KIRREL3: variants seen among roughly 807,000 people sequenced by gnomAD.
The protein encoded by KIRREL3 is kirre like nephrin family adhesion molecule 3, also known as kin of IRRE-like protein 3.
KIRREL3 carries 36 observed loss-of-function variants against 89.7 expected under a neutral mutation model. The ratio of observed to expected loss-of-function variants is 0.40; its 90% CI spans 0.31 to 0.53. KIRREL3 has a LOEUF of 0.53. KIRREL3 is among the 20% of genes least tolerant of loss of function. The probability of loss-of-function intolerance (pLI) is 0.49; values close to 1 mark genes in which losing one functional copy is unlikely to be tolerated. For synonymous variants in KIRREL3, 445 were observed against 441.4 expected, an observed-to-expected ratio of 1.01 and a Z score of -0.10; for missense variants, 864 against 1,056.6, an observed-to-expected ratio of 0.82 and a Z score of 2.53.
rs889812368 is a variant in KIRREL3, at chr11:126,687,208, G to A, written c.56-124296C>T. On this transcript the variant is annotated intron_variant, in intron 1 of 16. Transcript: ENST00000525144. The surrounding 1 kb of genome is among the most constrained non-coding windows in gnomAD (Gnocchi z 4.6). ...TCAAACGTGCTGAGCCCTGCCTTGC[G>A]CCAGGCAGTGAGCTAGTCCTTATTT... 3.3e-5 allele frequency among the ~76,000 whole-genome samples: 5 copies of A among 152,276 alleles called. No individual in the cohort carries two copies. Among genetic ancestry groups the A allele is most frequent in the East Asian group, 1.9e-4 (1 of 5,186 alleles).
At position 126,622,850 on chromosome 11, in the gene KIRREL3, A is replaced by G. The variant is rs1382089258; in HGVS notation, c.56-59938T>C. ...TAGAGTTAACTACATGCACAATTTT[A>G]TTTGCTTTATCTATATTAATTCTTT... On this transcript the variant is annotated intron_variant, in intron 1 of 16. Coordinates refer to ENST00000525144, the MANE Select transcript of KIRREL3 (RefSeq NM_032531.4). The surrounding 1 kb of genome is among the most constrained non-coding windows in gnomAD (Gnocchi z 5.2). Among the ~76,000 whole-genome samples the G allele has an allele frequency of 1.3e-5, 2 of 152,118 alleles. No homozygotes were observed. The highest frequency in any genetic ancestry group is 4.8e-5 in the African/African-American group (2 of 41,412).
rs1329659674 is a variant in KIRREL3, at chr11:126,948,033, G to A, written c.55+52422C>T. ...TGCTTGGCTACCCCAAAACTCCAAC[G>A]CACCTCATTATTTCATAAGAGATGT... On this transcript the variant is annotated intron_variant, in intron 1 of 16. Transcript: ENST00000525144. The surrounding 1 kb of genome is among the most constrained non-coding windows in gnomAD (Gnocchi z 4.5). 3.9e-5 allele frequency among the ~76,000 whole-genome samples: 6 copies of A among 152,024 alleles called. No individual in the cohort carries two copies. Among genetic ancestry groups the A allele is most frequent in the East Asian group, 1.9e-4 (1 of 5,180 alleles).
At chr11:126,581,334 C>G (rs565523) in intron 1 of KIRREL3, among the ~76,000 whole-genome samples, 43,081 of 151,744 alleles carry the variant, frequency 0.28, 6,267 homozygotes, top group Admixed American at 0.36. Flanking sequence ...TCCTGAGTAG[C>G]TGGGGTTACA....
intron 10 of KIRREL3, 24 bp from the exon 11 acceptor site, chr11:126,440,573 A>AG (rs1239640733): frequency 1.3e-6 from 2 of 1,570,084 alleles, no homozygotes; most frequent in Non-Finnish European, 1.7e-6. Flanking sequence ...GCGTCCCATT[A>AG]GGCACCCGGG....
chr11:126,883,109 C>A lies in KIRREL3; in HGVS notation c.55+117346G>T, dbSNP rs1945568197. ...AAGTGACAGCAGGTAGGGTTTGTTA[C>A]TTTAATTCACTTTGCCTTTCTCTTC... On this transcript the variant is annotated intron_variant, in intron 1 of 16. Transcript: ENST00000525144. The surrounding 1 kb of genome is among the most constrained non-coding windows in gnomAD (Gnocchi z 4.1). 6.6e-6 allele frequency among the ~76,000 whole-genome samples: 1 copy of A among 152,194 alleles called. No individual in the cohort carries two copies. The highest frequency in any genetic ancestry group is 1.5e-5 in the Non-Finnish European group (1 of 68,034).
At chr11:126,921,012 A>G (rs550359613) in intron 1 of KIRREL3, among the ~76,000 whole-genome samples, 17 of 152,320 alleles carry the variant, frequency 1.1e-4, no homozygotes, top group Admixed American at 7.2e-4. Context: ...AGAGACTGGC[A>G]CTTGCATCTC....
chr11:126,553,044 G>A lies in KIRREL3; in HGVS notation c.133+9791C>T, dbSNP rs929739167. Reference sequence around the variant, plus strand: ...TGGGGACACTAGTACCACTCATGGTGTGTGTGAGCACACTCGTGAAGGCGT... The same window carrying A: ...TGGGGACACTAGTACCACTCATGGTATGTGTGAGCACACTCGTGAAGGCGT... On this transcript the variant is annotated intron_variant, in intron 2 of 16. Transcript: ENST00000525144. The surrounding 1 kb of genome is among the most constrained non-coding windows in gnomAD (Gnocchi z 4.7). Among the ~76,000 whole-genome samples the A allele has an allele frequency of 5.3e-5, 8 of 152,196 alleles. No individual in the cohort carries two copies. Among genetic ancestry groups the A allele is most frequent in the Admixed American group, 6.5e-5 (1 of 15,286 alleles).
intron 1 of KIRREL3, among the ~76,000 whole-genome samples, chr11:126,964,358 G>A (rs139697488): frequency 2.6e-5 from 4 of 152,150 alleles, no homozygotes; most frequent in African/African-American, 4.8e-5. Flanking sequence ...GTGGCATGTG[G>A]GCAACACCCC....
chr11:126,436,744 C>G, intron 12 of KIRREL3, 67 bp downstream of exon 12: 1 of 1,574,612 alleles, frequency 6.4e-7, no homozygotes. Flanking sequence ...CGCGCCCTGA[C>G]CTAGGTGAGG....
chr11:126,451,256 CATTGCTTGTGTGT>C, intron 7 of KIRREL3, among the ~76,000 whole-genome samples: 1 of 119,802 alleles, frequency 8.3e-6, no homozygotes, highest in South Asian at 3.0e-4. Flanking sequence ...AGCATGTGTG[CATTGCTTGTGTGT>C]CCGTGTGCAT....
rs1041515981 is a variant in KIRREL3 at position 126,568,958 on chromosome 11, T to A, written c.56-6046A>T. On this transcript the variant is annotated intron_variant, in intron 1 of 16. Transcript: ENST00000525144. The surrounding 1 kb of genome is among the most constrained non-coding windows in gnomAD (Gnocchi z 4.6). ...GCACGTAGCCAACAGTGACATGGAC[T>A]GGAAATGTGAGGCCAGTCAGGAAGA... Among the ~76,000 whole-genome samples, 7 of 151,962 alleles carry A rather than the reference T, an allele frequency of 4.6e-5. No homozygotes were observed. Among genetic ancestry groups the A allele is most frequent in the Admixed American group, 1.3e-4 (2 of 15,258 alleles).
chr11:126,693,032 CT>C (rs1015536605), intron 1 of KIRREL3, among the ~76,000 whole-genome samples: 1 of 152,226 alleles, frequency 6.6e-6, no homozygotes, highest in Non-Finnish European at 1.5e-5. Context: ...TGCTCACGCC[CT>C]TGGAAAACAG....
chr11:126,680,965 C>T (rs556434421), intron 1 of KIRREL3, among the ~76,000 whole-genome samples: 12 of 152,278 alleles, frequency 7.9e-5, no homozygotes, highest in African/African-American at 2.6e-4. Flanking sequence ...CTGTCTGTCA[C>T]AGCAAGATTT....
At chr11:126,457,265 A>T in intron 6 of KIRREL3, among the ~76,000 whole-genome samples, 1 of 141,876 alleles carries the variant, frequency 7.0e-6, no homozygotes, top group South Asian at 2.3e-4. Context: ...GTGTGTATGC[A>T]TGTGTGTGTA....
In KIRREL3 at chr11:126,553,208, C is replaced by T. The variant is rs1939425201; in HGVS notation, c.133+9627G>A. Reference sequence around the variant, plus strand: ...GGACATTATGGGCTTACAGTGTGTCCCTTGGTCTGAAGAAATGATGGTCAG... The same window carrying T: ...GGACATTATGGGCTTACAGTGTGTCTCTTGGTCTGAAGAAATGATGGTCAG... On this transcript the variant is annotated intron_variant, in intron 2 of 16. Transcript: ENST00000525144. This position sits in a 1 kb window ranked among gnomAD's most constrained non-coding sequence, Gnocchi z 4.7. 6.6e-6 allele frequency among the ~76,000 whole-genome samples: 1 copy of T among 152,154 alleles called. No individual in the cohort carries two copies. Among genetic ancestry groups the T allele is most frequent in the Non-Finnish European group, 1.5e-5 (1 of 68,040 alleles).
chr11:126,674,182 TGTTTTGGG>T (rs1946085217), intron 1 of KIRREL3, among the ~76,000 whole-genome samples: 1 of 152,206 alleles, frequency 6.6e-6, no homozygotes, highest in African/African-American at 2.4e-5. Context: ...TTCTCATGAA[TGTTTTGGG>T]AATTCTGTTG....
At chr11:126,717,865 A>G (rs996422304) in intron 1 of KIRREL3, among the ~76,000 whole-genome samples, 11 of 152,234 alleles carry the variant, frequency 7.2e-5, no homozygotes, top group Non-Finnish European at 1.3e-4. Flanking sequence ...GTGTTCAGAA[A>G]TTAGAAGGGA....
chr11:126,845,737 A>T (rs939920803), intron 1 of KIRREL3, among the ~76,000 whole-genome samples: 1 of 152,130 alleles, frequency 6.6e-6, no homozygotes, highest in African/African-American at 2.4e-5. Context: ...CTTCCCTTCT[A>T]TGAATTACCT....
In KIRREL3 at chr11:126,594,994, C is replaced by T. The variant is rs955091782; in HGVS notation, c.56-32082G>A. ...CTCAGGGGCCTTCTGGGTTGTGAGG[C>T]GTGGGGCACCCCGTCCTGAGCGTGC... On this transcript the variant is annotated intron_variant, in intron 1 of 16. Coordinates refer to ENST00000525144, the MANE Select transcript of KIRREL3 (RefSeq NM_032531.4). This position sits in a 1 kb window ranked among gnomAD's most constrained non-coding sequence, Gnocchi z 5.0. Among the ~76,000 whole-genome samples the T allele has an allele frequency of 1.1e-4, 16 of 152,314 alleles. No homozygotes were observed. Among genetic ancestry groups the T allele is most frequent in the Non-Finnish European group, 1.5e-4 (10 of 68,034 alleles).
Sources: allele counts gnomAD v4.1 joint callset (sites outside exome capture counted in the v4.1 genomes callset), GRCh38; gene constraint gnomAD v4.1.1; non-coding constraint Gnocchi (gnomAD v3.1); transcripts MANE v1.5; gene names NCBI Gene and HGNC (gene_info 2026-07-23, HGNC 2026-07-21).